The following CYP3A7 variants were observed in gnomAD, a reference collection of about 807,000 sequenced individuals.
CYP3A7 encodes cytochrome P450 family 3 subfamily A member 7.
A neutral mutation model predicts 55.2 loss-of-function variants in CYP3A7; 45 were observed. The observed-to-expected ratio is 0.82, with a 90% CI of 0.64 to 1.05. CYP3A7 has a LOEUF of 1.05. Among genes scored for constraint, CYP3A7 ranks in the 50% least tolerant of loss-of-function variants. CYP3A7 has a pLI of 0.00. For synonymous variants in CYP3A7, 180 were observed against 207.4 expected, an observed-to-expected ratio of 0.87 and a Z score of 1.13; for missense variants, 548 against 605.3, an observed-to-expected ratio of 0.91 and a Z score of 0.99.
At chr7:99,712,319 T>C (rs1415529859) in intron 9 of CYP3A7, among the ~76,000 whole-genome samples, 1 of 152,222 alleles carries the variant, frequency 6.6e-6, no homozygotes, top group Non-Finnish European at 1.5e-5. Context: ...CTAATAATTG[T>C]ATTCTGTTAC....
At chr7:99,707,995 A>G (rs1242872758) in intron 11 of CYP3A7, 21 bp from the exon 12 acceptor site, 4 of 1,613,668 alleles carry the variant, frequency 2.5e-6, no homozygotes, top group Non-Finnish European at 3.4e-6. Context: ...ATTGGTAGAT[A>G]TTTTAAAAGT....
In CYP3A7 at chr7:99,708,098, A is replaced by G. The variant is rs1813591480; in HGVS notation, c.1254-124T>C. ...AGTACACAGGATACTTTTGTGGGCT[A>G]GTCACTGAAATCCTGCTATGCATAT... On this transcript the variant is annotated intron_variant, in intron 11 of 12. Transcript: ENST00000336374. 4.4e-6 allele frequency: 6 copies of G among 1,358,386 alleles called. No individual in the cohort carries two copies. In the Admixed American group the frequency reaches 9.4e-5, roughly 21 times the overall value. 84.1% of individuals were successfully genotyped at this position (1,358,386 alleles called of 1,614,324 possible). A position where few individuals can be genotyped will look rare whatever the true frequency, so the allele number is the denominator to read the frequency against.
At chr7:99,709,663 A>C (rs1275663423) in intron 10 of CYP3A7, among the ~76,000 whole-genome samples, 2 of 152,208 alleles carry the variant, frequency 1.3e-5, no homozygotes, top group East Asian at 3.8e-4. Flanking sequence ...AACAGATAGA[A>C]AAAGCAAATT....
chr7:99,707,750 T>A, intron 12 of CYP3A7, 62 bp downstream of exon 12: 1 of 1,600,992 alleles, frequency 6.2e-7, no homozygotes, highest in East Asian at 2.3e-5. Context: ...TTTTTAAATA[T>A]ATAGACCATT....
chr7:99,707,707 AC>A, intron 12 of CYP3A7, 104 bp downstream of exon 12: 4 of 1,546,084 alleles, frequency 2.6e-6, no homozygotes, highest in Non-Finnish European at 3.5e-6. Context: ...GGCCCATAGA[AC>A]AAATTATTAA....
intron 3 of CYP3A7, chr7:99,720,665 A>G: frequency 2.4e-6 from 1 of 420,124 alleles, no homozygotes. Context: ...AGAGCTCTTC[A>G]AAGAGATTGT....
At chr7:99,721,098 C>A (rs1187566913) in intron 3 of CYP3A7, 2 of 152,788 alleles carry the variant, frequency 1.3e-5, no homozygotes, top group South Asian at 4.1e-4. Flanking sequence ...TGACAGGGAA[C>A]AGCTGCTGCA....
intron 1 of CYP3A7, among the ~76,000 whole-genome samples, chr7:99,733,022 C>G (rs1271608853): frequency 6.6e-6 from 1 of 152,168 alleles, no homozygotes; most frequent in Non-Finnish European, 1.5e-5. Flanking sequence ...AACTAAGAAA[C>G]AGCATGGAGG....
Position 99,715,822 on chromosome 7 carries a change from G to A in CYP3A7, c.606C>T (p.Pro202=), listed in dbSNP as rs1813922525. The change falls in exon 7 of 13, where the codon CCC becomes CCT. Residue 202 remains proline (P), a synonymous_variant. Transcript: ENST00000336374. ...AAAGCTTCTTGGTGTTTTCCACAAAGGGGTCTTGTGGATTGTTGAGAGAGT... is the reference window on the plus strand; with the variant it reads ...AAAGCTTCTTGGTGTTTTCCACAAAAGGGTCTTGTGGATTGTTGAGAGAGT... ...SIDSLNNPQD[P]FVENTKKLLR... is the part of the protein sequence containing the mutation. The A allele has an allele frequency of 6.2e-7, 1 of 1,613,788 alleles. No individual in the cohort carries two copies. The highest frequency in any genetic ancestry group is 1.3e-5 in the African/African-American group (1 of 74,896).
At chr7:99,728,575 G>T (rs557992380) in intron 2 of CYP3A7, among the ~76,000 whole-genome samples, 1 of 152,258 alleles carries the variant, frequency 6.6e-6, no homozygotes, top group South Asian at 2.1e-4. Flanking sequence ...CAAGGCCTCT[G>T]CTTCCTCTGT....
At chr7:99,707,700 C>A in intron 12 of CYP3A7, 112 bp downstream of exon 12, 1 of 1,524,936 alleles carries the variant, frequency 6.6e-7, no homozygotes, top group Non-Finnish European at 8.9e-7. Flanking sequence ...ATTCCTTGGC[C>A]CATAGAACAA....
chr7:99,729,012 C>G (rs1385747104), intron 2 of CYP3A7, among the ~76,000 whole-genome samples: 1 of 152,112 alleles, frequency 6.6e-6, no homozygotes, highest in Non-Finnish European at 1.5e-5. Flanking sequence ...TTGTTTTTAT[C>G]TAAACCAATC....
chr7:99,710,697 C>T (rs977826557), intron 10 of CYP3A7, 35 bp downstream of exon 10: 14 of 1,613,558 alleles, frequency 8.7e-6, no homozygotes, highest in Non-Finnish European at 1.2e-5. Context: ...TAAGGCTTCA[C>T]CTCCTCCCTC....
rs565302960 is a variant in CYP3A7 at position 99,712,741 on chromosome 7, A to G, written c.865+728T>C. Among the ~76,000 whole-genome samples the G allele has an allele frequency of 5.3e-5, 8 of 152,314 alleles. No homozygotes were observed. In the South Asian group the frequency reaches 1.7e-3, roughly 32 times the overall value. On this transcript the variant is annotated intron_variant, in intron 9 of 12. Coordinates refer to ENST00000336374, the MANE Select transcript of CYP3A7 (RefSeq NM_000765.5). ...AAGTCAGCCTACTCCTGCTCTCTAG[A>G]ACCAATGATTAAATATTCAGGAATT... is the stretch of plus-strand genomic sequence containing the variant.
At chr7:99,709,390 C>T in intron 10 of CYP3A7, 129 bp from the exon 11 acceptor site, 1 of 1,399,590 alleles carries the variant, frequency 7.1e-7, no homozygotes, top group Non-Finnish European at 9.8e-7. Context: ...TTGTAGCATT[C>T]ATAAAGTATT....
intron 2 of CYP3A7, among the ~76,000 whole-genome samples, chr7:99,723,027 T>TA (rs11403618): frequency 0.78 from 118,283 of 150,916 alleles, 48,366 homozygotes; most frequent in Non-Finnish European, 0.91. Context: ...CACTGAAACT[T>TA]AAAAAAAAAC....
intron 5 of CYP3A7, 44 bp from the exon 6 acceptor site, chr7:99,717,309 A>T (rs544753970): frequency 3.1e-6 from 5 of 1,613,702 alleles, no homozygotes; most frequent in Non-Finnish European, 4.2e-6. Flanking sequence ...ATGTGCAGAC[A>T]TAAGTCCCAG....
intron 3 of CYP3A7, among the ~76,000 whole-genome samples, chr7:99,721,757 GTC>G (rs1814207380): frequency 6.6e-6 from 1 of 152,102 alleles, no homozygotes; most frequent in African/African-American, 2.4e-5. Flanking sequence ...GTGTGTGTGT[GTC>G]AGTGTGTCTG....
intron 9 of CYP3A7, among the ~76,000 whole-genome samples, chr7:99,711,299 A>G (rs1813739862): frequency 6.6e-6 from 1 of 152,210 alleles, no homozygotes; most frequent in African/African-American, 2.4e-5. Flanking sequence ...TTTTAGCTAC[A>G]ATATACCTTG....
Sources: allele counts gnomAD v4.1 joint callset (sites outside exome capture counted in the v4.1 genomes callset), GRCh38; gene constraint gnomAD v4.1.1; transcripts MANE v1.5; gene names NCBI Gene and HGNC (gene_info 2026-07-23, HGNC 2026-07-21).